CAMK2D: variants seen among roughly 807,000 people sequenced by gnomAD.
CAMK2D encodes the protein calcium/calmodulin-dependent protein kinase type II subunit delta.
In CAMK2D, 37 loss-of-function variants were observed where a neutral mutation model predicts 84.0. That is an observed-to-expected ratio of 0.44 (90% confidence interval 0.34 to 0.58). The LOEUF is 0.58. Among genes scored for constraint, CAMK2D ranks in the 20% least tolerant of loss-of-function variants. The pLI, the probability that CAMK2D is intolerant of heterozygous loss-of-function variation, is 0.02. For missense variants in CAMK2D, 448 were observed against 652.5 expected, an observed-to-expected ratio of 0.69 and a Z score of 3.41; for synonymous variants, 202 against 212.5, an observed-to-expected ratio of 0.95 and a Z score of 0.43.
intron 2 of CAMK2D, among the ~76,000 whole-genome samples, chr4:113,690,227 C>T (rs950762930): frequency 1.2e-4 from 19 of 152,152 alleles, no homozygotes; most frequent in Admixed American, 3.9e-4. Context: ...TCCAATGCAA[C>T]CCTACCTCCA....
chr4:113,496,606 G>A (rs971587553), intron 16 of CAMK2D, among the ~76,000 whole-genome samples: 4 of 151,876 alleles, frequency 2.6e-5, no homozygotes, highest in Non-Finnish European at 4.4e-5. Context: ...GTACCACAGT[G>A]CCCAGCTAAT....
chr4:113,750,714 A>G (rs1322039842), intron 2 of CAMK2D, among the ~76,000 whole-genome samples: 1 of 152,256 alleles, frequency 6.6e-6, no homozygotes, highest in Non-Finnish European at 1.5e-5. Flanking sequence ...GCTATCTAAA[A>G]GAGTTGAAGC....
intron 3 of CAMK2D, among the ~76,000 whole-genome samples, chr4:113,633,862 C>T (rs1045595025): frequency 6.6e-6 from 1 of 152,160 alleles, no homozygotes; most frequent in Non-Finnish European, 1.5e-5. Flanking sequence ...GAGCATCATG[C>T]CTGGCACAGG....
intron 4 of CAMK2D, among the ~76,000 whole-genome samples, chr4:113,590,925 T>C (rs1161200003): frequency 6.6e-6 from 1 of 152,178 alleles, no homozygotes; most frequent in African/African-American, 2.4e-5. Flanking sequence ...TGCTCAATAA[T>C]TGCTTCTACT....
intron 4 of CAMK2D, among the ~76,000 whole-genome samples, chr4:113,606,210 C>T (rs1043009995): frequency 2.6e-5 from 4 of 152,096 alleles, no homozygotes; most frequent in African/African-American, 9.7e-5. Flanking sequence ...GTGGCTCATG[C>T]CTGTAATCCC....
chr4:113,471,496 G>A (rs1408533371), intron 16 of CAMK2D, among the ~76,000 whole-genome samples: 3 of 152,130 alleles, frequency 2.0e-5, no homozygotes, highest in Non-Finnish European at 4.4e-5. Context: ...TTCTCACAAA[G>A]TCTGATGCCT....
chr4:113,730,257 C>G (rs1215466373), intron 2 of CAMK2D, among the ~76,000 whole-genome samples: 1 of 152,078 alleles, frequency 6.6e-6, no homozygotes, highest in African/African-American at 2.4e-5. Flanking sequence ...TATTGTTAAC[C>G]TTTTTTTCTA....
At position 113,651,515 on chromosome 4, in the gene CAMK2D, T is replaced by G. The variant is rs117057962; in HGVS notation, c.220+10198A>C. On this transcript the variant is annotated intron_variant, in intron 3 of 20. Coordinates refer to ENST00000511664, the MANE Select transcript of CAMK2D (RefSeq NM_001321571.2). ...AACTCTAAAGTACACTTTCAAAAGT[T>G]ATCTCAAACCCCTAAATTGGTATTC... Among the ~76,000 whole-genome samples the G allele has an allele frequency of 2.1e-4, 32 of 152,260 alleles. No homozygotes were observed. In the East Asian group the frequency reaches 6.0e-3, roughly 28 times the overall value.
intron 2 of CAMK2D, among the ~76,000 whole-genome samples, chr4:113,679,077 T>C (rs2099329915): frequency 6.6e-6 from 1 of 152,190 alleles, no homozygotes. Flanking sequence ...TGTGCCTTGT[T>C]TTTATTTTAA....
chr4:113,535,745 C>T (rs1452050177), intron 7 of CAMK2D, among the ~76,000 whole-genome samples: 3 of 152,158 alleles, frequency 2.0e-5, no homozygotes, highest in Non-Finnish European at 4.4e-5. Flanking sequence ...CCCATTCATC[C>T]TTTAGGCAAC....
chr4:113,568,494 T>G (rs1282505721), intron 4 of CAMK2D, among the ~76,000 whole-genome samples: 2 of 152,244 alleles, frequency 1.3e-5, no homozygotes, highest in East Asian at 3.8e-4. Context: ...GACATTTGTG[T>G]TGTTTCCACC....
intron 3 of CAMK2D, among the ~76,000 whole-genome samples, chr4:113,639,607 G>A (rs2099124138): frequency 6.6e-6 from 1 of 151,944 alleles, no homozygotes; most frequent in South Asian, 2.1e-4. Context: ...GAAGGCTGGG[G>A]GGTGATGCCA....
intron 4 of CAMK2D, among the ~76,000 whole-genome samples, chr4:113,554,760 A>AT (rs1478415452): frequency 6.6e-6 from 1 of 152,116 alleles, no homozygotes; most frequent in Non-Finnish European, 1.5e-5. Flanking sequence ...ATTTTTGAAA[A>AT]TTTTTACTGT....
intron 3 of CAMK2D, among the ~76,000 whole-genome samples, chr4:113,623,485 G>A (rs991177914): frequency 1.3e-5 from 2 of 151,916 alleles, no homozygotes; most frequent in African/African-American, 4.8e-5. Flanking sequence ...TGGTACTGTT[G>A]TGCAAACATC....
At chr4:113,540,602 C>T (rs1468285921) in intron 6 of CAMK2D, among the ~76,000 whole-genome samples, 1 of 152,150 alleles carries the variant, frequency 6.6e-6, no homozygotes, top group Non-Finnish European at 1.5e-5. Context: ...CTTAATCTCT[C>T]AAATGAACAT....
At chr4:113,545,310 A>T (rs2098557774) in intron 6 of CAMK2D, among the ~76,000 whole-genome samples, 1 of 152,192 alleles carries the variant, frequency 6.6e-6, no homozygotes, top group African/African-American at 2.4e-5. Context: ...TGATCATGAT[A>T]AACATGACAT....
Position 113,465,277 on chromosome 4 carries a change from C to T in CAMK2D, c.1211+252G>A, listed in dbSNP as rs534559004. The stretch of plus-strand genomic sequence containing the variant: ...TGAACTCTTGGCCTCAAGCAGTCTT[C>T]CCACCTTGGCCTTCCAAAGTGCAAG... On this transcript the variant is annotated intron_variant, in intron 17 of 20. Transcript: ENST00000511664. 7.2e-5 allele frequency among the ~76,000 whole-genome samples: 11 copies of T among 152,286 alleles called. No individual in the cohort carries two copies. The East Asian group carries it at 1.9e-3, about 27-fold the overall frequency.
chr4:113,675,292 G>A (rs887878600), intron 2 of CAMK2D, among the ~76,000 whole-genome samples: 1 of 152,140 alleles, frequency 6.6e-6, no homozygotes, highest in Admixed American at 6.5e-5. Flanking sequence ...TTTGATGAAT[G>A]TCTTGCCAGT....
intron 7 of CAMK2D, among the ~76,000 whole-genome samples, chr4:113,536,414 T>C (rs2098490987): frequency 1.3e-5 from 2 of 152,162 alleles, no homozygotes; most frequent in African/African-American, 4.8e-5. Context: ...TTGGGAGATG[T>C]GTACATTAGG....
Sources: allele counts gnomAD v4.1 joint callset (sites outside exome capture counted in the v4.1 genomes callset), GRCh38; gene constraint gnomAD v4.1.1; transcripts MANE v1.5; gene names NCBI Gene and HGNC (gene_info 2026-07-23, HGNC 2026-07-21).